The following FLAD1 variants were observed in gnomAD, a reference collection of about 807,000 sequenced individuals.
FLAD1 encodes bifunctional FAD diphosphatase/FAD synthase.
A neutral mutation model predicts 55.0 loss-of-function variants in FLAD1; 35 were observed. That is an observed-to-expected ratio of 0.64 (90% confidence interval 0.49 to 0.84). FLAD1 has a LOEUF of 0.84. Among genes scored for constraint, FLAD1 ranks in the 40% least tolerant of loss-of-function variants. The probability of loss-of-function intolerance (pLI) is 0.00; values close to 1 mark genes in which losing one functional copy is unlikely to be tolerated. For missense variants in FLAD1, 665 were observed against 742.6 expected, an observed-to-expected ratio of 0.90 and a Z score of 1.21; for synonymous variants, 267 against 303.0, an observed-to-expected ratio of 0.88 and a Z score of 1.23.
At chr1:154,988,984 T>G (rs1438935815) in intron 2 of FLAD1, 135 bp downstream of exon 2, 1 of 1,493,786 alleles carries the variant, frequency 6.7e-7, no homozygotes, top group East Asian at 2.5e-5. Flanking sequence ...AATTCATTAT[T>G]CTTCCAATAA....
intron 1 of FLAD1, among the ~76,000 whole-genome samples, chr1:154,984,537 C>T (rs1329429522): frequency 6.6e-6 from 1 of 151,858 alleles, no homozygotes; most frequent in Non-Finnish European, 1.5e-5. Flanking sequence ...GGAGAAACCC[C>T]ATCTCTACTA....
At position 154,983,949 on chromosome 1, in the gene FLAD1, C is replaced by T; in HGVS notation, c.255C>T (p.Tyr85=). The part of the protein sequence containing the change: ...LRPLFGGLGG[Y]WRALQRGREG... ...CCCTATTTGGGGGTCTGGGTGGCTACTGGAGGGCCTTGCAGAGGGGCAGAG... is the reference window on the plus strand; with the variant it reads ...CCCTATTTGGGGGTCTGGGTGGCTATTGGAGGGCCTTGCAGAGGGGCAGAG... Residue 85 remains tyrosine (Y), a synonymous_variant, in exon 1 of 7, where the codon TAC becomes TAT. Coordinates refer to ENST00000292180, the MANE Select transcript of FLAD1 (RefSeq NM_025207.5). 2 of 1,597,568 alleles carry T rather than the reference C, an allele frequency of 1.3e-6. No homozygotes were observed. The highest frequency in any genetic ancestry group is 2.2e-5 in the South Asian group (2 of 89,776).
chr1:154,992,564 G>C (rs1450780883), intron 5 of FLAD1, 149 bp from the exon 6 acceptor site: 2 of 1,613,572 alleles, frequency 1.2e-6, no homozygotes, highest in Admixed American at 3.3e-5. Context: ...TGCATACATA[G>C]AGCAAGCTAT....
At position 154,986,704 on chromosome 1, in the gene FLAD1, CTTTTTTTT is replaced by C. The variant is rs776649473; in HGVS notation, c.373-1386_373-1379del. Among the ~76,000 whole-genome samples the C allele has an allele frequency of 8.7e-5, 8 of 91,700 alleles. No individual in the cohort carries two copies. The East Asian group carries it at 2.7e-3, about 31-fold the overall frequency. The allele number at this position is 91,700 out of a possible 152,430, so 60.2% of individuals were successfully genotyped here. On this transcript the variant is annotated intron_variant, in intron 1 of 6. Transcript: ENST00000292180. ...GAGCAACCTTGCCCAGCCCCCCACC[CTTTTTTTT>C]TTTTTTTTTTTTTTGAGACAAAGTC...
intron 2 of FLAD1, 162 bp downstream of exon 2, chr1:154,989,011 T>C (rs977087705): frequency 6.9e-7 from 1 of 1,458,468 alleles, no homozygotes; most frequent in Non-Finnish European, 9.1e-7. Flanking sequence ...ATTGAGTACC[T>C]ATTTTCATCA....
At chr1:154,986,239 C>T (rs1034462030) in intron 1 of FLAD1, among the ~76,000 whole-genome samples, 5 of 151,580 alleles carry the variant, frequency 3.3e-5, no homozygotes, top group Non-Finnish European at 5.9e-5. Context: ...TGTTTTGAGA[C>T]GGAGTCTCGC....
intron 3 of FLAD1, among the ~76,000 whole-genome samples, 175 bp from the exon 4 acceptor site, chr1:154,989,984 G>A (rs1657791832): frequency 6.6e-6 from 1 of 152,176 alleles, no homozygotes; most frequent in South Asian, 2.1e-4. Flanking sequence ...AGATTTGAGA[G>A]GTGAAAGGTC....
At chr1:154,990,867 T>C (rs1657826868) in intron 5 of FLAD1, 2 of 178,254 alleles carry the variant, frequency 1.1e-5, no homozygotes, top group South Asian at 3.8e-4. Context: ...TTTAAAAGGA[T>C]GAATTTGATG....
chr1:154,990,643 C>T (rs553360235), intron 5 of FLAD1, 115 bp downstream of exon 5: 1 of 1,049,370 alleles, frequency 9.5e-7, no homozygotes, highest in South Asian at 1.8e-5. Context: ...GAAGGGGCCT[C>T]ATCATCCAAG....
At position 154,988,496 on chromosome 1, in the gene FLAD1, C is replaced by G; in HGVS notation, c.764C>G (p.Pro255Arg). The change falls in exon 2 of 7, where the codon CCA (proline) becomes CGA (arginine). Residue 255 changes from proline (P) to arginine (R), a missense_variant. By Grantham distance (103) the Pro-to-Arg change is moderately radical. Coordinates refer to ENST00000292180, the MANE Select transcript of FLAD1 (RefSeq NM_025207.5). ...TCCGTCCGAAACGTCTACCTCTTCC[C>G]AGGCATTCCAGAGCTGCTGCGGCGG... is the stretch of plus-strand genomic sequence containing the variant. ...LVSVRNVYLF[P>R]GIPELLRRVL... The G allele has an allele frequency of 1.2e-6, 2 of 1,614,250 alleles. No homozygotes were observed. Among genetic ancestry groups the G allele is most frequent in the Non-Finnish European group, 1.7e-6 (2 of 1,180,052 alleles).
chr1:154,991,438 C>T (rs1303060924), intron 5 of FLAD1, among the ~76,000 whole-genome samples: 1 of 151,002 alleles, frequency 6.6e-6, no homozygotes, highest in Non-Finnish European at 1.5e-5. Flanking sequence ...ACCTGTAATC[C>T]CAACTACTCA....
rs1451228487 is a variant in FLAD1 at position 154,990,150 on chromosome 1, C to T, written c.1266-9C>T. On this transcript the variant is annotated splice_polypyrimidine_tract_variant and intron_variant, in intron 3 of 6. Coordinates refer to ENST00000292180, the MANE Select transcript of FLAD1 (RefSeq NM_025207.5). ...GCTCACAAGCCTGTGGATTCTTCCCCCTCTGCAGGAAATTACCTGATGTTC... is the reference window on the plus strand; with the variant it reads ...GCTCACAAGCCTGTGGATTCTTCCCTCTCTGCAGGAAATTACCTGATGTTC... 2 of 1,607,420 alleles carry T rather than the reference C, an allele frequency of 1.2e-6. No homozygotes were observed. The highest frequency in any genetic ancestry group is 1.7e-6 in the Non-Finnish European group (2 of 1,174,010).
Position 154,983,554 on chromosome 1 carries a change from A to G in FLAD1, c.-141A>G, listed in dbSNP as rs920093964. 1.1e-5 allele frequency: 9 copies of G among 810,080 alleles called. No homozygotes were observed. In the African/African-American group the frequency reaches 1.2e-4, roughly 11 times the overall value. 50.2% of individuals were successfully genotyped at this position (810,080 alleles called of 1,614,324 possible). A position where few individuals can be genotyped will look rare whatever the true frequency, so the allele number is the denominator to read the frequency against. On this transcript the variant is annotated 5_prime_UTR_variant, in exon 1 of 7. Coordinates refer to ENST00000292180, the MANE Select transcript of FLAD1 (RefSeq NM_025207.5). ...AGGGCCAAGGCCCAGGATAAGGTAG[A>G]CATTTAAAGGGGTACGGATGCCCAA... is the stretch of plus-strand genomic sequence containing the variant.
At chr1:154,986,738 TCA>T (rs1406795270) in intron 1 of FLAD1, among the ~76,000 whole-genome samples, 31 of 117,848 alleles carry the variant, frequency 2.6e-4, no homozygotes, top group Middle Eastern at 0.011. Flanking sequence ...AGACAAAGTC[TCA>T]CTGTCGCCTA....
At position 154,983,821 on chromosome 1, in the gene FLAD1, T is replaced by C; in HGVS notation, c.127T>C (p.Cys43Arg). ...CACGCGCACGCCTGCTCTCCCCCAT[T>C]GTCTTTTCTGGCTTCTCCAGGTTCC... ...GSTRTPALPH[C>R]LFWLLQVPST... Residue 43 changes from cysteine (C) to arginine (R), a missense_variant, in exon 1 of 7, where the codon TGT becomes CGT. Coordinates refer to ENST00000292180, the MANE Select transcript of FLAD1 (RefSeq NM_025207.5). 15 of 1,614,138 alleles carry C rather than the reference T, an allele frequency of 9.3e-6. No homozygotes were observed. Among genetic ancestry groups the C allele is most frequent in the Non-Finnish European group, 1.3e-5 (15 of 1,180,016 alleles).
At chr1:154,989,794 G>A in intron 3 of FLAD1, 87 bp downstream of exon 3, 1 of 1,396,748 alleles carries the variant, frequency 7.2e-7, no homozygotes, top group Non-Finnish European at 9.6e-7. Flanking sequence ...GTGTACAGGT[G>A]GAGTTCAAGA....
In FLAD1 at chr1:154,988,866, G is replaced by A. The variant is rs199876681; in HGVS notation, c.1117+17G>A. The A allele has an allele frequency of 6.2e-7, 1 of 1,613,884 alleles. No individual in the cohort carries two copies. On this transcript the variant is annotated intron_variant, in intron 2 of 6. Coordinates refer to ENST00000292180, the MANE Select transcript of FLAD1 (RefSeq NM_025207.5). ...CTGAATCAGGTAGGGACCTTATGGA[G>A]GAGGGGCATTATGCCCAAAGCCATT...
chr1:154,990,140 G>A lies in FLAD1; in HGVS notation c.1266-19G>A. The A allele has an allele frequency of 6.3e-7, 1 of 1,595,068 alleles. No individual in the cohort carries two copies. The highest frequency in any genetic ancestry group is 8.6e-7 in the Non-Finnish European group (1 of 1,162,978). On this transcript the variant is annotated intron_variant, in intron 3 of 6. Transcript: ENST00000292180. Reference sequence around the variant, plus strand: ...CCTTGTCCATGCTCACAAGCCTGTGGATTCTTCCCCCTCTGCAGGAAATTA... The same window carrying A: ...CCTTGTCCATGCTCACAAGCCTGTGAATTCTTCCCCCTCTGCAGGAAATTA...
chr1:154,986,773 T>C (rs1346729368), intron 1 of FLAD1, among the ~76,000 whole-genome samples: 3 of 150,108 alleles, frequency 2.0e-5, no homozygotes, highest in Non-Finnish European at 4.4e-5. Context: ...TTTTTTGTAT[T>C]TTTTTGTAGA....
Sources: gnomAD v4.1 joint callset for allele counts (sites outside exome capture counted in the v4.1 genomes callset) on GRCh38, gnomAD v4.1.1 for gene constraint, MANE v1.5 for transcripts, NCBI Gene and HGNC (gene_info 2026-07-23, HGNC 2026-07-21) for gene names.